Variants in SCHIP1 observed in about 807,000 individuals in gnomAD.
SCHIP1 encodes schwannomin-interacting protein 1.
A neutral mutation model predicts 29.7 loss-of-function variants in SCHIP1; 8 were observed. The ratio of observed to expected loss-of-function variants is 0.27; its 90% CI spans 0.16 to 0.49. The LOEUF (loss-of-function observed/expected upper bound fraction) is 0.49, where lower values mean the gene tolerates loss of function less well. Among genes scored for constraint, SCHIP1 ranks in the 20% least tolerant of loss-of-function variants. The pLI is 0.99. For missense variants in SCHIP1, 193 were observed against 294.6 expected (o/e 0.66, Z 2.52); for synonymous variants, 76 against 94.9 (o/e 0.80, Z 1.16).
At chr3:159,724,209 C>CT in the SCHIP1 span, among the ~76,000 whole-genome samples, 1 of 152,278 alleles carries the variant, frequency 6.6e-6, no homozygotes, top group Non-Finnish European at 1.5e-5. Context: ...ATTTGCTCAT[C>CT]TTTTTTGTTG....
At chr3:159,795,141 C>A in the SCHIP1 span, among the ~76,000 whole-genome samples, 2 of 152,190 alleles carry the variant, frequency 1.3e-5, no homozygotes, top group African/African-American at 4.8e-5. Context: ...CTTAGCCCTC[C>A]CTGTTTCTGC....
chr3:159,601,317 C>T, the SCHIP1 span, among the ~76,000 whole-genome samples: 3 of 152,002 alleles, frequency 2.0e-5, no homozygotes, highest in Non-Finnish European at 2.9e-5. Context: ...CCCCAACAAC[C>T]CCCCCATACA....
At chr3:159,441,336 A>T in the SCHIP1 span, among the ~76,000 whole-genome samples, 1 of 152,180 alleles carries the variant, frequency 6.6e-6, no homozygotes, top group Non-Finnish European at 1.5e-5. Flanking sequence ...TTGAGTACTT[A>T]GTGGTGATGA....
the SCHIP1 span, among the ~76,000 whole-genome samples, chr3:159,672,120 A>G: frequency 6.6e-6 from 1 of 152,224 alleles, no homozygotes; most frequent in African/African-American, 2.4e-5. Flanking sequence ...ACTATTAGTC[A>G]TTACAGAATG....
At chr3:159,490,343 C>G in the SCHIP1 span, among the ~76,000 whole-genome samples, 2 of 152,176 alleles carry the variant, frequency 1.3e-5, no homozygotes, top group Admixed American at 1.3e-4. Flanking sequence ...TTAGATCTCA[C>G]CTTCTTCAGG....
At chr3:159,477,136 A>G in the SCHIP1 span, among the ~76,000 whole-genome samples, 6 of 152,160 alleles carry the variant, frequency 3.9e-5, no homozygotes, top group African/African-American at 1.4e-4. Flanking sequence ...TCCTTTGTTA[A>G]GGCTGAATAG....
chr3:159,665,006 C>T, the SCHIP1 span, among the ~76,000 whole-genome samples: 1 of 152,194 alleles, frequency 6.6e-6, no homozygotes, highest in Non-Finnish European at 1.5e-5. Flanking sequence ...GCCTGAAAAC[C>T]AGGAGTGTAG....
chr3:159,490,340 T>G, the SCHIP1 span, among the ~76,000 whole-genome samples: 1 of 152,230 alleles, frequency 6.6e-6, no homozygotes, highest in African/African-American at 2.4e-5. Context: ...TTCTTAGATC[T>G]CACCTTCTTC....
the SCHIP1 span, among the ~76,000 whole-genome samples, chr3:159,804,070 A>T: frequency 6.6e-6 from 1 of 152,192 alleles, no homozygotes; most frequent in Non-Finnish European, 1.5e-5. Context: ...TTTTTGTATA[A>T]TGACCTAAGG....
At chr3:159,607,897 A>G in the SCHIP1 span, among the ~76,000 whole-genome samples, 2 of 152,224 alleles carry the variant, frequency 1.3e-5, no homozygotes, top group Middle Eastern at 3.2e-3. Flanking sequence ...AAGGAAAAAA[A>G]GCTGAGTGCC....
the SCHIP1 span, among the ~76,000 whole-genome samples, chr3:159,544,399 A>C: frequency 2.0e-5 from 3 of 152,030 alleles, no homozygotes; most frequent in African/African-American, 7.2e-5. Context: ...GGAACTGCTG[A>C]GTGGTAGGGT....
the SCHIP1 span, among the ~76,000 whole-genome samples, chr3:159,384,337 A>G: frequency 6.6e-6 from 1 of 151,916 alleles, no homozygotes; most frequent in African/African-American, 2.4e-5. Flanking sequence ...GAATTTTGTC[A>G]AAGGCCTTTT....
chr3:159,449,487 T>C, the SCHIP1 span, among the ~76,000 whole-genome samples: 1 of 152,104 alleles, frequency 6.6e-6, no homozygotes, highest in Non-Finnish European at 1.5e-5. Flanking sequence ...ACATTAACAA[T>C]AATGAAGAAA....
At chr3:159,336,495 T>C in the SCHIP1 span, among the ~76,000 whole-genome samples, 2 of 152,366 alleles carry the variant, frequency 1.3e-5, no homozygotes, top group East Asian at 3.9e-4. Flanking sequence ...TTTAAGTTTT[T>C]AATCCATCTT....
At chr3:159,374,368 CACTT>C in the SCHIP1 span, among the ~76,000 whole-genome samples, 7 of 152,200 alleles carry the variant, frequency 4.6e-5, no homozygotes, top group African/African-American at 1.7e-4. Context: ...TAACAGAAAA[CACTT>C]ACTTAAAAAA....
At chr3:159,614,861 T>G in the SCHIP1 span, among the ~76,000 whole-genome samples, 1 of 152,238 alleles carries the variant, frequency 6.6e-6, no homozygotes, top group Non-Finnish European at 1.5e-5. Context: ...CCAGGCACTG[T>G]GCTAGGTGCG....
At chr3:159,773,314 G>A in the SCHIP1 span, among the ~76,000 whole-genome samples, 2 of 152,160 alleles carry the variant, frequency 1.3e-5, no homozygotes, top group Non-Finnish European at 2.9e-5. Flanking sequence ...AGGGTAATAG[G>A]ATTTTAGAGA....
the SCHIP1 span, among the ~76,000 whole-genome samples, chr3:159,502,783 A>C: frequency 1.3e-5 from 2 of 152,068 alleles, no homozygotes; most frequent in East Asian, 3.9e-4. Flanking sequence ...GTGCAGCCAC[A>C]ATGGCCTTTC....
chr3:159,364,864 T>C, the SCHIP1 span, among the ~76,000 whole-genome samples: 4,887 of 152,316 alleles, frequency 0.032, 93 homozygotes, highest in East Asian at 0.11. Flanking sequence ...CAAATTTATG[T>C]CATCAGATAC....
Sources: gnomAD v4.1 joint callset for allele counts (sites outside exome capture counted in the v4.1 genomes callset) on GRCh38, gnomAD v4.1.1 for gene constraint, MANE v1.5 for transcripts, NCBI Gene and HGNC (gene_info 2026-07-23, HGNC 2026-07-21) for gene names.